TOM1L2: variants seen among roughly 807,000 people sequenced by gnomAD.
The protein encoded by TOM1L2 is TOM1-like protein 2.
A neutral mutation model predicts 67.9 loss-of-function variants in TOM1L2; 31 were observed. That is an observed-to-expected ratio of 0.46 (90% CI 0.34 to 0.62). The LOEUF (loss-of-function observed/expected upper bound fraction) is 0.62, where lower values mean the gene tolerates loss of function less well. Among genes scored for constraint, TOM1L2 ranks in the 20% least tolerant of loss-of-function variants. The pLI, the probability that TOM1L2 is intolerant of heterozygous loss-of-function variation, is 0.01. For missense variants in TOM1L2, 606 were observed against 663.5 expected (o/e 0.91, Z 0.95); for synonymous variants, 256 against 254.0 (o/e 1.01, Z -0.07).
intron 4 of TOM1L2, among the ~76,000 whole-genome samples, chr17:17,890,302 C>G (rs2038209419): frequency 6.6e-6 from 1 of 152,060 alleles, no homozygotes; most frequent in Non-Finnish European, 1.5e-5. Context: ...GGAGCCCATT[C>G]CCCACCACAC....
chr17:17,899,115 G>C (rs2038722805), intron 2 of TOM1L2, among the ~76,000 whole-genome samples: 1 of 152,212 alleles, frequency 6.6e-6, no homozygotes, highest in Admixed American at 6.5e-5. Flanking sequence ...TTTTTCACTG[G>C]ACTGCCTTTT....
chr17:17,964,350 T>C (rs2041804022), intron 1 of TOM1L2, among the ~76,000 whole-genome samples: 1 of 152,234 alleles, frequency 6.6e-6, no homozygotes, highest in Non-Finnish European at 1.5e-5. Context: ...TTTACACCGT[T>C]TTCCTTTCCT....
At chr17:17,915,569 C>T (rs2039592410) in intron 1 of TOM1L2, among the ~76,000 whole-genome samples, 1 of 151,754 alleles carries the variant, frequency 6.6e-6, no homozygotes, top group Admixed American at 6.6e-5. Flanking sequence ...GTGCAGTGGC[C>T]CAATCATAGC....
rs1489425999 is a variant in TOM1L2, at chr17:17,862,733, C to T, written c.1200G>A (p.Lys400=). ...TRGNSLAEQR[K]TVTYEDPQAV... is the part of the protein sequence containing the mutation. ...CCACTAAAAGGGGCCCCACATACGTCTTGCGCTGCTCAGCCAAGGAGTTTC... is the reference window on the plus strand; with the variant it reads ...CCACTAAAAGGGGCCCCACATACGTTTTGCGCTGCTCAGCCAAGGAGTTTC... Residue 400 remains lysine, a splice_region_variant and synonymous_variant, in exon 11 of 15, where the codon AAG becomes AAA. Transcript: ENST00000379504. The T allele has an allele frequency of 6.2e-7, 1 of 1,613,002 alleles. No individual in the cohort carries two copies. The highest frequency in any genetic ancestry group is 1.3e-5 in the African/African-American group (1 of 74,918).
At chr17:17,927,239 C>T (rs9904163) in intron 1 of TOM1L2, among the ~76,000 whole-genome samples, 74,123 of 152,010 alleles carry the variant, frequency 0.49, 19,141 homozygotes, top group East Asian at 0.86. Flanking sequence ...GGGACAGGCC[C>T]GACATTATTT....
chr17:17,958,840 C>T (rs2041574452), intron 1 of TOM1L2, among the ~76,000 whole-genome samples: 1 of 152,178 alleles, frequency 6.6e-6, no homozygotes, highest in Non-Finnish European at 1.5e-5. Context: ...TTAGCCGTAC[C>T]CTCATCCCAC....
intron 1 of TOM1L2, among the ~76,000 whole-genome samples, chr17:17,969,780 C>T (rs1456181512): frequency 6.6e-6 from 1 of 152,178 alleles, no homozygotes; most frequent in African/African-American, 2.4e-5. Context: ...TACTGAGCTT[C>T]TACTATGTTC....
At chr17:17,931,030 A>T (rs1378417963) in intron 1 of TOM1L2, among the ~76,000 whole-genome samples, 1 of 152,172 alleles carries the variant, frequency 6.6e-6, no homozygotes, top group East Asian at 1.9e-4. Flanking sequence ...TAAAATATAA[A>T]ATGTTCTTCC....
intron 5 of TOM1L2, among the ~76,000 whole-genome samples, chr17:17,884,344 G>A (rs1047607339): frequency 1.3e-5 from 2 of 152,156 alleles, no homozygotes; most frequent in African/African-American, 4.8e-5. Flanking sequence ...TGAAAAGCAG[G>A]TGCTAATGAC....
At chr17:17,920,829 T>A (rs1284514827) in intron 1 of TOM1L2, among the ~76,000 whole-genome samples, 2 of 151,702 alleles carry the variant, frequency 1.3e-5, no homozygotes, top group Non-Finnish European at 2.9e-5. Context: ...GAGACGGGGG[T>A]TTCACCATGT....
intron 1 of TOM1L2, among the ~76,000 whole-genome samples, chr17:17,912,580 A>C: frequency 7.0e-6 from 1 of 142,762 alleles, no homozygotes; most frequent in East Asian, 2.1e-4. Context: ...CCCACATCTC[A>C]GACGATGGGC....
chr17:17,884,802 C>T, intron 4 of TOM1L2, 34 bp from the exon 5 acceptor site: 3 of 1,611,710 alleles, frequency 1.9e-6, no homozygotes, highest in Middle Eastern at 2.1e-4. Context: ...GGAAGCATTT[C>T]TCAGAGCTGC....
intron 1 of TOM1L2, among the ~76,000 whole-genome samples, chr17:17,966,759 A>T (rs903775455): frequency 6.6e-6 from 1 of 152,224 alleles, no homozygotes; most frequent in Non-Finnish European, 1.5e-5. Context: ...ATAACACCCA[A>T]ATAGTTAAAT....
intron 12 of TOM1L2, chr17:17,857,805 C>T: frequency 6.5e-7 from 1 of 1,535,690 alleles, no homozygotes; most frequent in Non-Finnish European, 8.7e-7. Flanking sequence ...CTATGGGCTC[C>T]AGGTCAGACT....
Position 17,955,325 on chromosome 17 carries a change from CTTTTTTTT to C in TOM1L2, c.52+16929_52+16936del, listed in dbSNP as rs67575563. Among the ~76,000 whole-genome samples the C allele has an allele frequency of 3.9e-3, 421 of 108,142 alleles. 1 individual carries two copies. Among genetic ancestry groups the C allele is most frequent in the African/African-American group, 0.014 (372 of 25,686 alleles). 70.9% of individuals were successfully genotyped at this position (108,142 alleles called of 152,430 possible). On this transcript the variant is annotated intron_variant, in intron 1 of 14. Transcript: ENST00000379504. ...GGCAGGACCCCAGACCACACAATTC[CTTTTTTTT>C]TTTTTTTTTTTTTTTTTGTTTTTGA...
intron 7 of TOM1L2, among the ~76,000 whole-genome samples, chr17:17,873,253 C>T (rs939028231): frequency 6.6e-6 from 1 of 152,158 alleles, no homozygotes; most frequent in African/African-American, 2.4e-5. Context: ...GAACAGACAC[C>T]ATATGCCTAT....
rs781580283 is a variant in TOM1L2, at chr17:17,907,437, G to A, written c.137+10C>T. The A allele has an allele frequency of 1.2e-5, 19 of 1,613,376 alleles. No individual in the cohort carries two copies. Among genetic ancestry groups the A allele is most frequent in the East Asian group, 2.2e-5 (1 of 44,858 alleles). Reference sequence around the variant, plus strand: ...CAGAGAGGCTTCCCAGGAGAGGGGGGCACACGTACCCTTCCTCCGTCTCAT... The same window carrying A: ...CAGAGAGGCTTCCCAGGAGAGGGGGACACACGTACCCTTCCTCCGTCTCAT... On this transcript the variant is annotated intron_variant, in intron 2 of 14. Coordinates refer to ENST00000379504, the MANE Select transcript of TOM1L2 (RefSeq NM_001082968.2).
At chr17:17,905,021 T>C (rs2039027429) in intron 2 of TOM1L2, among the ~76,000 whole-genome samples, 1 of 151,912 alleles carries the variant, frequency 6.6e-6, no homozygotes, top group Non-Finnish European at 1.5e-5. Flanking sequence ...TCAGTAAACA[T>C]GGCCAGATGA....
chr17:17,962,955 C>T (rs1372328346), intron 1 of TOM1L2, among the ~76,000 whole-genome samples: 2 of 147,576 alleles, frequency 1.4e-5, no homozygotes, highest in African/African-American at 5.0e-5. Context: ...AGTGAGACTC[C>T]GTCTCAAAAA....
Sources: gnomAD v4.1 joint callset for allele counts (sites outside exome capture counted in the v4.1 genomes callset) on GRCh38, gnomAD v4.1.1 for gene constraint, MANE v1.5 for transcripts, NCBI Gene and HGNC (gene_info 2026-07-23, HGNC 2026-07-21) for gene names.